TNPO2: variants seen among roughly 807,000 people sequenced by gnomAD.
TNPO2 encodes transportin 2, also known as transportin-2.
Under a neutral mutation model 111.1 loss-of-function variants are expected in TNPO2, and 16 were observed. That is an observed-to-expected ratio of 0.14 (90% CI 0.10 to 0.22). The LOEUF (loss-of-function observed/expected upper bound fraction) is 0.22, where lower values mean the gene tolerates loss of function less well. Ranked by LOEUF, TNPO2 falls within the 10% of genes least tolerant of loss-of-function variation. The pLI, the probability that TNPO2 is intolerant of heterozygous loss-of-function variation, is 1.00. For synonymous variants in TNPO2, 481 were observed against 475.8 expected (o/e 1.01, Z -0.14); for missense variants, 530 against 1,173.7 (o/e 0.45, Z 8.01).
In TNPO2 at chr19:12,711,366, A is replaced by G; in HGVS notation, c.1047T>C (p.Ala349=). Residue 349 remains alanine (A), a synonymous_variant, in exon 12 of 26, where the codon GCT becomes GCC. Coordinates refer to ENST00000425528, the MANE Select transcript of TNPO2 (RefSeq NM_001382241.1). ...CGTCCTCGGAGCCATCAGGCCGCTC[A>G]GCCTCGTGGGGCAGTGTGACCGTGC... The part of the protein sequence containing the change: ...KSRTVTLPHE[A]ERPDGSEDAE... 6.2e-7 allele frequency: 1 copy of G among 1,614,038 alleles called. No individual in the cohort carries two copies. Among genetic ancestry groups the G allele is most frequent in the Non-Finnish European group, 8.5e-7 (1 of 1,179,900 alleles).
In TNPO2 at chr19:12,701,682, G is replaced by A. The variant is rs927695569; in HGVS notation, c.2512-10C>T. The A allele has an allele frequency of 6.2e-7, 1 of 1,613,862 alleles. No individual in the cohort carries two copies. The highest frequency in any genetic ancestry group is 8.5e-7 in the Non-Finnish European group (1 of 1,179,876). On this transcript the variant is annotated splice_polypyrimidine_tract_variant and intron_variant, in intron 23 of 25. Coordinates refer to ENST00000425528, the MANE Select transcript of TNPO2 (RefSeq NM_001382241.1). The surrounding 1 kb of genome is among the most constrained non-coding windows in gnomAD (Gnocchi z 5.0). The stretch of plus-strand genomic sequence containing the variant: ...AGAAGAAAATAAAGTCCTGAAACGT[G>A]ACGGATCCCAGGTGAGGGGCCGCCC...
At chr19:12,718,774 G>A (rs1311270803) in intron 5 of TNPO2, among the ~76,000 whole-genome samples, 1 of 152,206 alleles carries the variant, frequency 6.6e-6, no homozygotes, top group Non-Finnish European at 1.5e-5. Context: ...CTGTCTCAGA[G>A]CCAAGAAGGA....
intron 10 of TNPO2, among the ~76,000 whole-genome samples, chr19:12,712,601 T>C (rs770882197): frequency 1.3e-5 from 2 of 152,224 alleles, no homozygotes; most frequent in Non-Finnish European, 2.9e-5. Flanking sequence ...TCTTTCTCTT[T>C]GTCTACTCTC....
chr19:12,721,977 C>A lies in TNPO2; in HGVS notation c.-13-987G>T, dbSNP rs1196050417. Among the ~76,000 whole-genome samples the A allele has an allele frequency of 6.6e-6, 1 of 151,662 alleles. No individual in the cohort carries two copies. The highest frequency in any genetic ancestry group is 1.5e-5 in the Non-Finnish European group (1 of 67,888). ...CCCTCAACGGATCCCAGCAACGCCT[C>A]GAAGTCAGATCCAAGAAAACCCTCT... On this transcript the variant is annotated intron_variant, in intron 2 of 25. Coordinates refer to ENST00000425528, the MANE Select transcript of TNPO2 (RefSeq NM_001382241.1). This position sits in a 1 kb window ranked among gnomAD's most constrained non-coding sequence, Gnocchi z 4.9.
At position 12,720,982 on chromosome 19, in the gene TNPO2, C is replaced by A. The variant is rs376207679; in HGVS notation, c.-5G>T. Reference sequence around the variant, plus strand: ...CTCGTCTGGCTGCCAGTCCATGGCGCAAGGCAAGCTGCGGAGGTAGGGGCC... The same window carrying A: ...CTCGTCTGGCTGCCAGTCCATGGCGAAAGGCAAGCTGCGGAGGTAGGGGCC... On this transcript the variant is annotated 5_prime_UTR_variant, in exon 3 of 26. Transcript: ENST00000425528. 6.9e-5 allele frequency: 109 copies of A among 1,575,858 alleles called. No homozygotes were observed. The highest frequency in any genetic ancestry group is 5.6e-5 in the Non-Finnish European group (65 of 1,164,212).
chr19:12,714,514 G>A (rs142480827), intron 10 of TNPO2, among the ~76,000 whole-genome samples: 146 of 151,968 alleles, frequency 9.6e-4, no homozygotes, highest in Non-Finnish European at 1.3e-3. Context: ...GGGTTTCACC[G>A]TGTTAGCCAG....
rs1283154729 is a variant in TNPO2, at chr19:12,701,117, C to T, written c.*147G>A. 15 of 485,624 alleles carry T rather than the reference C, an allele frequency of 3.1e-5. No homozygotes were observed. The highest frequency in any genetic ancestry group is 5.4e-4 in the Middle Eastern group (1 of 1,842). 30.1% of individuals were successfully genotyped at this position (485,624 alleles called of 1,614,324 possible). ...GTGGACGGATGGACGGACGGACGGACGGACGGGGAAGGCATCTGGATTTGA... is the reference window on the plus strand; with the variant it reads ...GTGGACGGATGGACGGACGGACGGATGGACGGGGAAGGCATCTGGATTTGA... On this transcript the variant is annotated 3_prime_UTR_variant, in exon 26 of 26. Transcript: ENST00000425528. This position sits in a 1 kb window ranked among gnomAD's most constrained non-coding sequence, Gnocchi z 5.0.
rs895747120 is a variant in TNPO2, at chr19:12,699,226, A to G, written c.*2038T>C. ...TTCACAAGAAACTGATCTTTACTCA[A>G]CAAAGTTCTACACAAGTGGAATCTC... On this transcript the variant is annotated 3_prime_UTR_variant, in exon 26 of 26. Transcript: ENST00000425528. 2 of 429,044 alleles carry G rather than the reference A, an allele frequency of 4.7e-6. No individual in the cohort carries two copies. Among genetic ancestry groups the G allele is most frequent in the African/African-American group, 4.1e-5 (2 of 48,256 alleles). The allele number at this position is 429,044 out of a possible 1,614,324, so 26.6% of individuals were successfully genotyped here.
chr19:12,718,908 G>T, intron 5 of TNPO2, 121 bp downstream of exon 5: 1 of 1,304,560 alleles, frequency 7.7e-7, no homozygotes, highest in Non-Finnish European at 1.1e-6. Flanking sequence ...TCTATCAAAT[G>T]GCAATAGTAA....
At position 12,721,544 on chromosome 19, in the gene TNPO2, A is replaced by G. The variant is rs1253244491; in HGVS notation, c.-13-554T>C. The G allele has an allele frequency of 2.9e-6, 1 of 347,314 alleles. No homozygotes were observed. The allele number at this position is 347,314 out of a possible 1,614,324, so 21.5% of individuals were successfully genotyped here. ...GCTTCCCCAGATGCGCCCTCCCAAG[A>G]CGATCGTCCTGATCTCTCCTGTCCC... On this transcript the variant is annotated intron_variant, in intron 2 of 25. Coordinates refer to ENST00000425528, the MANE Select transcript of TNPO2 (RefSeq NM_001382241.1). This position sits in a 1 kb window ranked among gnomAD's most constrained non-coding sequence, Gnocchi z 4.9.
chr19:12,706,435 TGGGGAGGGCAA>T lies in TNPO2; in HGVS notation c.1497-79_1497-69del. 1 of 1,599,624 alleles carries T rather than the reference TGGGGAGGGCAA, an allele frequency of 6.3e-7. No individual in the cohort carries two copies. Among genetic ancestry groups the T allele is most frequent in the East Asian group, 2.2e-5 (1 of 44,792 alleles). On this transcript the variant is annotated intron_variant, in intron 14 of 25. Transcript: ENST00000425528. This position sits in a 1 kb window ranked among gnomAD's most constrained non-coding sequence, Gnocchi z 7.0. The stretch of plus-strand genomic sequence containing the variant: ...CAGGTGACACTGGGCCATGGGCAGT[TGGGGAGGGCAA>T]CTCAGGATCAGCCAGTACGAATACG...
At chr19:12,711,174 G>T in intron 12 of TNPO2, 122 bp downstream of exon 12, 1 of 1,346,660 alleles carries the variant, frequency 7.4e-7, no homozygotes, top group Non-Finnish European at 1.0e-6. Flanking sequence ...GATTACAGGC[G>T]TAAGCCACTG....
At chr19:12,704,987 A>G (rs183785505) in intron 18 of TNPO2, among the ~76,000 whole-genome samples, 2 of 150,952 alleles carry the variant, frequency 1.3e-5, no homozygotes, top group African/African-American at 4.9e-5. Flanking sequence ...CACATTTTCT[A>G]TTTTCAATAC....
Position 12,701,090 on chromosome 19 carries a change from A to C in TNPO2, c.*174T>G. ...GGCCCCACCCACCTGCCAGGAGGGC[A>C]AGTGGACGGATGGACGGACGGACGG... On this transcript the variant is annotated 3_prime_UTR_variant, in exon 26 of 26. Transcript: ENST00000425528. The surrounding 1 kb of genome is among the most constrained non-coding windows in gnomAD (Gnocchi z 5.0). 8 of 400,504 alleles carry C rather than the reference A, an allele frequency of 2.0e-5. No homozygotes were observed. Among genetic ancestry groups the C allele is most frequent in the Non-Finnish European group, 1.4e-5 (3 of 221,610 alleles). 24.8% of individuals were successfully genotyped at this position (400,504 alleles called of 1,614,324 possible).
In TNPO2 at chr19:12,703,480, G is replaced by T. The variant is rs1290256024; in HGVS notation, c.2157C>A (p.Ile719=). ...ILGTNLNPEF[I]SVCNNATWAI... The stretch of plus-strand genomic sequence containing the variant: ...CCCAGGTGGCGTTGTTGCAGACGGA[G>T]ATGAACTCTGGGTTCAGGTTGGTGC... The change falls in exon 20 of 26, where the codon ATC becomes ATA. Residue 719 remains isoleucine (I), a synonymous_variant. Coordinates refer to ENST00000425528, the MANE Select transcript of TNPO2 (RefSeq NM_001382241.1). 3 of 1,614,032 alleles carry T rather than the reference G, an allele frequency of 1.9e-6. No individual in the cohort carries two copies. Among genetic ancestry groups the T allele is most frequent in the South Asian group, 1.1e-5 (1 of 91,086 alleles).
chr19:12,712,803 C>T (rs1186864917), intron 10 of TNPO2, among the ~76,000 whole-genome samples: 1 of 152,168 alleles, frequency 6.6e-6, no homozygotes, highest in Non-Finnish European at 1.5e-5. Flanking sequence ...TAGTGGTCCC[C>T]CGGGCCCAGC....
At position 12,705,424 on chromosome 19, in the gene TNPO2, C is replaced by T. The variant is rs1568332598; in HGVS notation, c.1864-26G>A. On this transcript the variant is annotated intron_variant, in intron 17 of 25. Coordinates refer to ENST00000425528, the MANE Select transcript of TNPO2 (RefSeq NM_001382241.1). The surrounding 1 kb of genome is among the most constrained non-coding windows in gnomAD (Gnocchi z 7.2). Reference sequence around the variant, plus strand: ...CTAGACACAGATGCCGACAGGGGCACGGGTAAGTGGAGCAGGCCCGAGGCA... The same window carrying T: ...CTAGACACAGATGCCGACAGGGGCATGGGTAAGTGGAGCAGGCCCGAGGCA... The T allele has an allele frequency of 4.4e-6, 7 of 1,577,394 alleles. No homozygotes were observed. Among genetic ancestry groups the T allele is most frequent in the South Asian group, 1.2e-5 (1 of 86,178 alleles).
chr19:12,702,922 G>C lies in TNPO2; in HGVS notation c.2210-4C>G, dbSNP rs762204649. 3.1e-6 allele frequency: 5 copies of C among 1,613,612 alleles called. No homozygotes were observed. Among genetic ancestry groups the C allele is most frequent in the Middle Eastern group, 1.7e-4 (1 of 6,060 alleles). On this transcript the variant is annotated splice_region_variant and splice_polypyrimidine_tract_variant and intron_variant, in intron 20 of 25. Coordinates refer to ENST00000425528, the MANE Select transcript of TNPO2 (RefSeq NM_001382241.1). This position sits in a 1 kb window ranked among gnomAD's most constrained non-coding sequence, Gnocchi z 5.5. ...ACATAAGGCTGCATCTCTGCCCCTG[G>C]GGGAGCACCCAGTCAGAGCCCTGCA...
rs1354073600 is a variant in TNPO2 at position 12,715,004 on chromosome 19, G to A, written c.771+43C>T. The A allele has an allele frequency of 1.1e-5, 17 of 1,581,724 alleles. No individual in the cohort carries two copies. Among genetic ancestry groups the A allele is most frequent in the East Asian group, 4.5e-5 (2 of 44,596 alleles). On this transcript the variant is annotated intron_variant, in intron 9 of 25. Transcript: ENST00000425528. The surrounding 1 kb of genome is among the most constrained non-coding windows in gnomAD (Gnocchi z 7.1). Reference sequence around the variant, plus strand: ...GGGTGGCTCCCTGACCCCTGCCACCGGCCCCCTGCCTGCCCGCCTGGGCTG... The same window carrying A: ...GGGTGGCTCCCTGACCCCTGCCACCAGCCCCCTGCCTGCCCGCCTGGGCTG...
Sources: gnomAD v4.1 joint callset for allele counts (sites outside exome capture counted in the v4.1 genomes callset) on GRCh38, gnomAD v4.1.1 for gene constraint, Gnocchi (gnomAD v3.1) non-coding constraint, MANE v1.5 for transcripts, NCBI Gene and HGNC (gene_info 2026-07-23, HGNC 2026-07-21) for gene names.